KCNIP4: variants seen among roughly 807,000 people sequenced by gnomAD.
The protein encoded by KCNIP4 is Kv channel-interacting protein 4.
A neutral mutation model predicts 34.0 loss-of-function variants in KCNIP4; 12 were observed. The ratio of observed to expected loss-of-function variants is 0.35; its 90% CI spans 0.23 to 0.57. The LOEUF (loss-of-function observed/expected upper bound fraction) is 0.57, where lower values mean the gene tolerates loss of function less well. Among genes scored for constraint, KCNIP4 ranks in the 20% least tolerant of loss-of-function variants. The pLI is 0.83. For missense variants in KCNIP4, 238 were observed against 311.7 expected, an observed-to-expected ratio of 0.76 and a Z score of 1.78; for synonymous variants, 124 against 102.2, an observed-to-expected ratio of 1.21 and a Z score of -1.29.
At chr4:21,099,180 G>C (rs1187521799) in intron 1 of KCNIP4, among the ~76,000 whole-genome samples, 1 of 152,122 alleles carries the variant, frequency 6.6e-6, no homozygotes, top group East Asian at 1.9e-4. Flanking sequence ...CATGTTAATT[G>C]CAGCACTATT....
At chr4:21,684,334 T>C (rs543692396) in intron 1 of KCNIP4, among the ~76,000 whole-genome samples, 25 of 152,322 alleles carry the variant, frequency 1.6e-4, no homozygotes, top group South Asian at 6.2e-4. Context: ...CAAATTGATA[T>C]ACCTACTGAA....
intron 1 of KCNIP4, among the ~76,000 whole-genome samples, chr4:21,773,745 G>GTTTTTTTTTTTTTTTTTTTT (rs55701942): frequency 8.7e-6 from 1 of 115,426 alleles, no homozygotes; most frequent in African/African-American, 5.4e-5. Flanking sequence ...TTTTTTTGTT[G>GTTTTTTTTTTTTTTTTTTTT]TTTTTTTTTT....
At chr4:21,465,147 G>T (rs762905386) in intron 1 of KCNIP4, among the ~76,000 whole-genome samples, 1 of 152,058 alleles carries the variant, frequency 6.6e-6, no homozygotes, top group Admixed American at 6.6e-5. Flanking sequence ...TTTCAGGAAA[G>T]AACACACCCA....
intron 1 of KCNIP4, among the ~76,000 whole-genome samples, chr4:21,118,724 C>T (rs538573467): frequency 6.6e-6 from 1 of 152,210 alleles, no homozygotes; most frequent in African/African-American, 2.4e-5. Flanking sequence ...AGCAGGTGAA[C>T]CTTCTCATAT....
intron 1 of KCNIP4, chr4:21,843,810 T>C (rs563906011): frequency 2.6e-5 from 4 of 152,218 alleles, no homozygotes; most frequent in South Asian, 4.1e-4. Context: ...AGGTCTTCAA[T>C]GAACAGACAG....
chr4:21,508,620 T>G (rs1353174378), intron 1 of KCNIP4, among the ~76,000 whole-genome samples: 1 of 152,214 alleles, frequency 6.6e-6, no homozygotes. Context: ...ATACTCTGCT[T>G]CTTAAGATAT....
At chr4:20,929,753 A>G (rs554979216) in intron 1 of KCNIP4, among the ~76,000 whole-genome samples, 1 of 152,156 alleles carries the variant, frequency 6.6e-6, no homozygotes, top group Non-Finnish European at 1.5e-5. Flanking sequence ...CATATCTGAA[A>G]AAGACGCTTT....
In KCNIP4 at chr4:21,102,726, C is replaced by T. The variant is rs567870883; in HGVS notation, c.62-220017G>A. Among the ~76,000 whole-genome samples, 12 of 152,226 alleles carry T rather than the reference C, an allele frequency of 7.9e-5. No homozygotes were observed. In the South Asian group the frequency reaches 2.5e-3, roughly 32 times the overall value. On this transcript the variant is annotated intron_variant, in intron 1 of 8. Coordinates refer to ENST00000382152, the MANE Select transcript of KCNIP4 (RefSeq NM_025221.6). ...TCTATTAAAATCTTCAGACATTATA[C>T]ATTTTCTTTGAGAACAACAGTGGCT...
In KCNIP4 at chr4:21,246,882, C is replaced by G. The variant is rs140703749; in HGVS notation, c.62-364173G>C. 6.0e-3 allele frequency among the ~76,000 whole-genome samples: 907 copies of G among 152,250 alleles called. 12 individuals carry two copies. Among genetic ancestry groups the G allele is most frequent in the African/African-American group, 0.02 (822 of 41,558 alleles). ...TCTGTTCATAAGTGAAACATAGACT[C>G]TCAACTATTATCATTTAAAATGCAA... On this transcript the variant is annotated intron_variant, in intron 1 of 8. Coordinates refer to ENST00000382152, the MANE Select transcript of KCNIP4 (RefSeq NM_025221.6).
At chr4:21,904,766 A>G (rs1028661160) in intron 1 of KCNIP4, among the ~76,000 whole-genome samples, 1 of 152,124 alleles carries the variant, frequency 6.6e-6, no homozygotes, top group Admixed American at 6.6e-5. Context: ...TGACAATTCT[A>G]TGATATTTAG....
intron 1 of KCNIP4, among the ~76,000 whole-genome samples, chr4:21,735,825 A>C (rs1403661518): frequency 6.6e-6 from 1 of 151,968 alleles, no homozygotes; most frequent in African/African-American, 2.4e-5. Context: ...AGTTATCCTA[A>C]CCTCTACTCT....
Position 21,431,609 on chromosome 4 carries a change from T to G in KCNIP4, c.61+516962A>C, listed in dbSNP as rs556207647. Among the ~76,000 whole-genome samples the G allele has an allele frequency of 1.1e-4, 16 of 152,136 alleles. No homozygotes were observed. The South Asian group carries it at 3.1e-3, about 30-fold the overall frequency. ...CTATGTATCCCAGAAATTATCCAGATAAGGTTGACATATTACCAGAGAGGT... is the reference window on the plus strand; with the variant it reads ...CTATGTATCCCAGAAATTATCCAGAGAAGGTTGACATATTACCAGAGAGGT... On this transcript the variant is annotated intron_variant, in intron 1 of 8. Coordinates refer to ENST00000382152, the MANE Select transcript of KCNIP4 (RefSeq NM_025221.6).
intron 1 of KCNIP4, among the ~76,000 whole-genome samples, chr4:21,612,791 T>C (rs1744261550): frequency 6.6e-6 from 1 of 152,212 alleles, no homozygotes; most frequent in Admixed American, 6.5e-5. Context: ...AGCAGGCAGC[T>C]TGATAGAGGG....
At chr4:21,473,791 G>A (rs1024959899) in intron 1 of KCNIP4, among the ~76,000 whole-genome samples, 36 of 151,342 alleles carry the variant, frequency 2.4e-4, no homozygotes, top group African/African-American at 8.3e-4. Context: ...GTGGCTTACT[G>A]GAACTTATGA....
chr4:21,676,071 C>T (rs774136815), intron 1 of KCNIP4, among the ~76,000 whole-genome samples: 9 of 152,158 alleles, frequency 5.9e-5, no homozygotes, highest in Non-Finnish European at 1.3e-4. Context: ...TAAACTTGGT[C>T]TCCTTAGGTC....
intron 1 of KCNIP4, among the ~76,000 whole-genome samples, chr4:21,059,326 T>A (rs940329577): frequency 3.9e-5 from 6 of 152,184 alleles, no homozygotes; most frequent in Admixed American, 6.6e-5. Context: ...AATGCTGAAC[T>A]TCTGGAGAAC....
intron 1 of KCNIP4, among the ~76,000 whole-genome samples, chr4:21,231,693 A>T (rs1036470790): frequency 2.6e-5 from 4 of 151,986 alleles, no homozygotes; most frequent in African/African-American, 9.7e-5. Flanking sequence ...AATGATAAAA[A>T]CTCTGTTTAG....
At chr4:21,488,406 A>G (rs912462603) in intron 1 of KCNIP4, among the ~76,000 whole-genome samples, 6 of 152,178 alleles carry the variant, frequency 3.9e-5, no homozygotes, top group African/African-American at 1.4e-4. Context: ...TACCATTTTT[A>G]AATTATTTCC....
rs77824213 is a variant in KCNIP4 at position 20,758,801 on chromosome 4, A to C, written c.358+20T>G. 4.6e-4 allele frequency: 727 copies of C among 1,590,320 alleles called. 3 individuals are homozygous for C. In the African/African-American group the frequency reaches 8.4e-3, roughly 18 times the overall value. Reference sequence around the variant, plus strand: ...ATTGTAACTCTGATAGTATGTTAACAAGTCCACATTTGTACTTACCTCCCT... The same window carrying C: ...ATTGTAACTCTGATAGTATGTTAACCAGTCCACATTTGTACTTACCTCCCT... On this transcript the variant is annotated intron_variant, in intron 4 of 8. Coordinates refer to ENST00000382152, the MANE Select transcript of KCNIP4 (RefSeq NM_025221.6).
Sources: allele counts gnomAD v4.1 joint callset (sites outside exome capture counted in the v4.1 genomes callset), GRCh38; gene constraint gnomAD v4.1.1; transcripts MANE v1.5; gene names NCBI Gene and HGNC (gene_info 2026-07-23, HGNC 2026-07-21).